Variants in TCHP observed in about 807,000 individuals in gnomAD.
The protein encoded by TCHP is trichoplein keratin filament binding.
Under a neutral mutation model 88.7 loss-of-function variants are expected in TCHP, and 81 were observed. The observed-to-expected ratio is 0.91, with a 90% CI of 0.76 to 1.10. The LOEUF (loss-of-function observed/expected upper bound fraction) is 1.10. Ranked by LOEUF, TCHP falls within the 50% of genes least tolerant of loss-of-function variation. TCHP has a pLI of 0.00. For missense variants in TCHP, 641 were observed against 632.1 expected, an observed-to-expected ratio of 1.01 and a Z score of -0.15; for synonymous variants, 232 against 232.5, an observed-to-expected ratio of 1.00 and a Z score of 0.02.
chr12:109,901,681 C>T (rs1053643341), intron 1 of TCHP, among the ~76,000 whole-genome samples: 2 of 152,246 alleles, frequency 1.3e-5, no homozygotes, highest in African/African-American at 2.4e-5. Context: ...TGTTGTTTCT[C>T]TGTAACCATT....
chr12:109,904,079 T>C lies in TCHP; in HGVS notation c.331T>C (p.Leu111=), dbSNP rs904483415. 6 of 1,600,566 alleles carry C rather than the reference T, an allele frequency of 3.7e-6. No homozygotes were observed. Among genetic ancestry groups the C allele is most frequent in the Non-Finnish European group, 4.3e-6 (5 of 1,173,538 alleles). The change falls in exon 3 of 13, where the codon TTG becomes CTG. Residue 111 remains leucine (L), a synonymous_variant. Coordinates refer to ENST00000405876, the MANE Select transcript of TCHP (RefSeq NM_001143852.2). ...ELEELRLSMN[L]QERRIREQHG... ...GGAGGAGCTGAGGCTGAGCATGAAC[T>C]TGCAGGAAAGAAGAATCCGGGAGCA...
chr12:109,892,070 C>T, the TCHP span, among the ~76,000 whole-genome samples: 1 of 152,094 alleles, frequency 6.6e-6, no homozygotes, highest in East Asian at 1.9e-4. Flanking sequence ...GCCTGTAGTC[C>T]CAGCTACCCA....
intron 8 of TCHP, 53 bp downstream of exon 8, chr12:109,908,990 G>C: frequency 6.5e-7 from 1 of 1,540,530 alleles, no homozygotes; most frequent in South Asian, 1.1e-5. Flanking sequence ...TGTAAAAAAG[G>C]CCTTCCATTG....
the TCHP span, among the ~76,000 whole-genome samples, chr12:109,894,303 C>A: frequency 6.7e-6 from 1 of 148,528 alleles, no homozygotes. Context: ...CTAAAAAATA[C>A]AAAAAAATTA....
At chr12:109,910,290 G>A (rs1417948001) in intron 8 of TCHP, among the ~76,000 whole-genome samples, 2 of 152,194 alleles carry the variant, frequency 1.3e-5, no homozygotes, top group Non-Finnish European at 2.9e-5. Flanking sequence ...GTCAGGGCAG[G>A]ACATGGGGCA....
chr12:109,882,733 C>T, the TCHP span, among the ~76,000 whole-genome samples: 1 of 145,624 alleles, frequency 6.9e-6, no homozygotes, highest in East Asian at 2.1e-4. Flanking sequence ...TCTCGGCTCA[C>T]TGCAACCTCC....
the TCHP span, among the ~76,000 whole-genome samples, chr12:109,882,194 G>C: frequency 1.1e-4 from 17 of 152,172 alleles, no homozygotes; most frequent in African/African-American, 4.1e-4. Context: ...CTGAGACCTA[G>C]AGGAGAAGTA....
At chr12:109,889,466 T>TAAAAAAAAAAAA in the TCHP span, among the ~76,000 whole-genome samples, 2 of 124,082 alleles carry the variant, frequency 1.6e-5, no homozygotes, top group African/African-American at 4.1e-5. Context: ...AGACTCCATC[T>TAAAAAAAAAAAA]CAAAAAAAAA....
rs1324946624 is a variant in TCHP at position 109,904,102 on chromosome 12, G to A, written c.354G>A (p.Glu118=). 3.8e-6 allele frequency: 6 copies of A among 1,591,352 alleles called. No individual in the cohort carries two copies. Among genetic ancestry groups the A allele is most frequent in the Non-Finnish European group, 5.1e-6 (6 of 1,168,714 alleles). ...SMNLQERRIR[E]QHGKLKSAKE... ...ACTTGCAGGAAAGAAGAATCCGGGA[G>A]CAGCACGGGAAGCTGAAATCAGCCA... The change falls in exon 3 of 13, where the codon GAG becomes GAA. Residue 118 remains glutamate, a synonymous_variant. Transcript: ENST00000405876.
chr12:109,906,526 C>T, intron 4 of TCHP, 46 bp from the exon 5 acceptor site: 2 of 1,589,120 alleles, frequency 1.3e-6, no homozygotes, highest in Non-Finnish European at 1.7e-6. Flanking sequence ...CCACAGTGCC[C>T]ATCTGTCTGG....
Position 109,904,758 on chromosome 12 carries a change from G to A in TCHP, c.421G>A (p.Glu141Lys), listed in dbSNP as rs926049967. 7.4e-6 allele frequency: 12 copies of A among 1,613,314 alleles called. No homozygotes were observed. Among genetic ancestry groups the A allele is most frequent in the South Asian group, 1.1e-5 (1 of 90,880 alleles). The change falls in exon 4 of 13, where the codon GAA becomes AAA. Residue 141 changes from glutamate (E) to lysine (K), a missense_variant. Physicochemically the swap from Glu to Lys is moderately conservative, Grantham distance 56. Coordinates refer to ENST00000405876, the MANE Select transcript of TCHP (RefSeq NM_001143852.2). Reference sequence around the variant, plus strand: ...ATAGATTGCTGAACAACTTTTGTACGAACACTGGAAAAAGAACAACCCGAA... The same window carrying A: ...ATAGATTGCTGAACAACTTTTGTACAAACACTGGAAAAAGAACAACCCGAA... The part of the protein sequence containing the change: ...RKLIAEQLLY[E>K]HWKKNNPKLR...
chr12:109,901,475 T>C (rs1869790893), intron 1 of TCHP, among the ~76,000 whole-genome samples: 1 of 152,116 alleles, frequency 6.6e-6, no homozygotes, highest in South Asian at 2.1e-4. Context: ...ACCCCTTTCC[T>C]CAAGGAGTTA....
chr12:109,904,893 A>AG (rs1358842082), intron 4 of TCHP, 100 bp downstream of exon 4: 1 of 1,139,390 alleles, frequency 8.8e-7, no homozygotes, highest in Non-Finnish European at 1.3e-6. Context: ...GTTGAAACAG[A>AG]GGAGGGAACC....
chr12:109,901,156 A>G (rs546546367), intron 1 of TCHP: 1 of 152,334 alleles, frequency 6.6e-6, no homozygotes, highest in South Asian at 2.1e-4. Context: ...CCCAACAGGC[A>G]GCCCCTTGCA....
rs1343475012 is a variant in TCHP, at chr12:109,907,140, G to A, written c.526-386G>A. Among the ~76,000 whole-genome samples, 6 of 152,152 alleles carry A rather than the reference G, an allele frequency of 3.9e-5. No homozygotes were observed. In the East Asian group the frequency reaches 5.8e-4, roughly 15 times the overall value. On this transcript the variant is annotated intron_variant, in intron 5 of 12. Transcript: ENST00000405876. Reference sequence around the variant, plus strand: ...TGGCCTTAAACGATTCTCCCACCTCGGCCTCCCAAAGTGCTGGGATTACAG... The same window carrying A: ...TGGCCTTAAACGATTCTCCCACCTCAGCCTCCCAAAGTGCTGGGATTACAG...
intron 10 of TCHP, 21 bp downstream of exon 10, chr12:109,913,093 G>C (rs755268088): frequency 8.1e-6 from 13 of 1,612,718 alleles, no homozygotes; most frequent in Non-Finnish European, 1.0e-5. Flanking sequence ...CTGCGGCGAT[G>C]TGGACCGGCT....
At chr12:109,892,808 C>A in the TCHP span, among the ~76,000 whole-genome samples, 3 of 152,188 alleles carry the variant, frequency 2.0e-5, no homozygotes, top group East Asian at 5.8e-4. Flanking sequence ...CTAACTCATA[C>A]TCCTAGAGAC....
At position 109,905,705 on chromosome 12, in the gene TCHP, T is replaced by C. The variant is rs1288996866; in HGVS notation, c.457-867T>C. Among the ~76,000 whole-genome samples the C allele has an allele frequency of 6.6e-6, 1 of 152,240 alleles. No homozygotes were observed. Among genetic ancestry groups the C allele is most frequent in the African/African-American group, 2.4e-5 (1 of 41,456 alleles). The stretch of plus-strand genomic sequence containing the variant: ...CATTTAGAAATCGCCAGGCACTAAA[T>C]AATGGAACATCTGGTGCTTTTGTGC... On this transcript the variant is annotated intron_variant, in intron 4 of 12. Transcript: ENST00000405876. The surrounding 1 kb of genome is among the most constrained non-coding windows in gnomAD (Gnocchi z 4.0).
In TCHP at chr12:109,917,503, G is replaced by C. The variant is rs2136086298; in HGVS notation, c.*880G>C. The C allele has an allele frequency of 1.3e-5, 2 of 152,290 alleles. No individual in the cohort carries two copies. Among genetic ancestry groups the C allele is most frequent in the Non-Finnish European group, 1.5e-5 (1 of 68,030 alleles). The allele number at this position is 152,290 out of a possible 1,614,324, so 9.4% of individuals were successfully genotyped here. A position where few individuals can be genotyped will look rare whatever the true frequency, so the allele number is the denominator to read the frequency against. On this transcript the variant is annotated 3_prime_UTR_variant, in exon 13 of 13. Coordinates refer to ENST00000405876, the MANE Select transcript of TCHP (RefSeq NM_001143852.2). ...TGGTTGGCTAACCTTTTAAAGGCAG[G>C]GGCGTGACACGTAGGACACATTGGG...
Sources: gnomAD v4.1 joint callset for allele counts (sites outside exome capture counted in the v4.1 genomes callset) on GRCh38, gnomAD v4.1.1 for gene constraint, Gnocchi (gnomAD v3.1) non-coding constraint, MANE v1.5 for transcripts, NCBI Gene and HGNC (gene_info 2026-07-23, HGNC 2026-07-21) for gene names.